The following RNF10 variants were observed in gnomAD, a reference collection of about 807,000 sequenced individuals.
RNF10 encodes the protein E3 ubiquitin-protein ligase RNF10.
A neutral mutation model predicts 91.4 loss-of-function variants in RNF10; 38 were observed. The ratio of observed to expected loss-of-function variants is 0.42; its 90% CI spans 0.32 to 0.54. RNF10 has a LOEUF of 0.54. Among genes scored for constraint, RNF10 ranks in the 20% least tolerant of loss-of-function variants. The pLI is 0.16. For synonymous variants in RNF10, 364 were observed against 366.3 expected, an observed-to-expected ratio of 0.99 and a Z score of 0.07; for missense variants, 945 against 1,012.0, an observed-to-expected ratio of 0.93 and a Z score of 0.90.
In RNF10 at chr12:120,534,747, C is replaced by T; in HGVS notation, c.-65C>T. The T allele has an allele frequency of 6.7e-7, 1 of 1,493,098 alleles. No homozygotes were observed. Among genetic ancestry groups the T allele is most frequent in the Non-Finnish European group, 8.8e-7 (1 of 1,131,150 alleles). 92.5% of individuals were successfully genotyped at this position (1,493,098 alleles called of 1,614,324 possible). On this transcript the variant is annotated 5_prime_UTR_variant, in exon 1 of 17. Transcript: ENST00000325954. ...GCCGACCCCCGCCGGCCCTGAACGC[C>T]ATGAGCCTGGGTCCCCGCCGCGCCC...
At chr12:120,558,659 C>T (rs2137208303) in intron 6 of RNF10, among the ~76,000 whole-genome samples, 1 of 149,938 alleles carries the variant, frequency 6.7e-6, no homozygotes, top group Non-Finnish European at 1.5e-5. Flanking sequence ...ACCTCTGCCT[C>T]CCGGGTTTGA....
chr12:120,555,816 T>C (rs1309891859), intron 4 of RNF10, among the ~76,000 whole-genome samples: 2 of 149,056 alleles, frequency 1.3e-5, no homozygotes, highest in Non-Finnish European at 3.0e-5. Context: ...TTTGAGACAG[T>C]CTTGCTCTGT....
chr12:120,567,160 T>G (rs755704139), intron 13 of RNF10, among the ~76,000 whole-genome samples, 180 bp downstream of exon 13: 1 of 152,166 alleles, frequency 6.6e-6, no homozygotes, highest in Non-Finnish European at 1.5e-5. Context: ...CTATACTGAC[T>G]GCTTTACCCT....
chr12:120,565,341 CTG>C, intron 11 of RNF10, 85 bp from the exon 12 acceptor site: 2 of 1,299,006 alleles, frequency 1.5e-6, no homozygotes, highest in Non-Finnish European at 2.2e-6. Flanking sequence ...GCTGGGCCTA[CTG>C]TTGTGGGTTT....
intron 1 of RNF10, among the ~76,000 whole-genome samples, chr12:120,535,901 A>G (rs917172445): frequency 1.3e-5 from 2 of 152,218 alleles, no homozygotes; most frequent in African/African-American, 4.8e-5. Flanking sequence ...TAAAGAAGGA[A>G]TAAACTGAGC....
At chr12:120,575,568 T>C in intron 14 of RNF10, 63 bp from the exon 15 acceptor site, 1 of 1,578,920 alleles carries the variant, frequency 6.3e-7, no homozygotes, top group Admixed American at 1.7e-5. Flanking sequence ...TCAAGGTAGG[T>C]CTGAAAAAGA....
At chr12:120,568,769 C>G (rs1220635103) in intron 13 of RNF10, among the ~76,000 whole-genome samples, 1 of 152,018 alleles carries the variant, frequency 6.6e-6, no homozygotes, top group African/African-American at 2.4e-5. Flanking sequence ...AGCTACTGTG[C>G]CCAGCCTGTT....
rs1873288535 is a variant in RNF10 at position 120,552,665 on chromosome 12, A to T, written c.521A>T (p.Lys174Met). ...GGAAAGAGGAACAAGTGGGGACATA[A>T]GCCTTTTAACAAGGAACTCTTTTTA... Reference protein sequence around the residue: ...SWGKRNKWGHKPFNKELFLQA... With the variant: ...SWGKRNKWGHMPFNKELFLQA... Residue 174 changes from lysine (K) to methionine (M), a missense_variant, in exon 3 of 17, where the codon AAG (lysine) becomes ATG (methionine). Coordinates refer to ENST00000325954, the MANE Select transcript of RNF10 (RefSeq NM_014868.5). The T allele has an allele frequency of 6.2e-7, 1 of 1,614,150 alleles. No homozygotes were observed. Among genetic ancestry groups the T allele is most frequent in the Admixed American group, 1.7e-5 (1 of 60,018 alleles).
Position 120,571,227 on chromosome 12 carries a change from A to G in RNF10, c.2078A>G (p.Gln693Arg), listed in dbSNP as rs758398303. 4 of 1,613,974 alleles carry G rather than the reference A, an allele frequency of 2.5e-6. No individual in the cohort carries two copies. Among genetic ancestry groups the G allele is most frequent in the Non-Finnish European group, 3.4e-6 (4 of 1,179,908 alleles). The change falls in exon 14 of 17, where the codon CAG becomes CGG. Residue 693 changes from glutamine (Q) to arginine (R), a missense_variant. Coordinates refer to ENST00000325954, the MANE Select transcript of RNF10 (RefSeq NM_014868.5). Reference protein sequence around the residue: ...LLTPLSPTASQGSPSFCVGSL... With the variant: ...LLTPLSPTASRGSPSFCVGSL... ...ACCCCTCTGTCACCCACTGCCAGTC[A>G]GGGCAGTCCCTCATTCTGCGTTGGG...
In RNF10 at chr12:120,534,718, C is replaced by T. The variant is rs1031592160; in HGVS notation, c.-94C>T. 53 of 1,406,128 alleles carry T rather than the reference C, an allele frequency of 3.8e-5. No individual in the cohort carries two copies. Among genetic ancestry groups the T allele is most frequent in the Non-Finnish European group, 4.9e-5 (53 of 1,091,782 alleles). The allele number at this position is 1,406,128 out of a possible 1,614,324, so 87.1% of individuals were successfully genotyped here. ...CGCCATGAAGGCCGAGAACCGCTGC[C>T]GCCGCCGACCCCCGCCGGCCCTGAA... is the stretch of plus-strand genomic sequence containing the variant. On this transcript the variant is annotated 5_prime_UTR_variant, in exon 1 of 17. Coordinates refer to ENST00000325954, the MANE Select transcript of RNF10 (RefSeq NM_014868.5).
chr12:120,560,628 C>T (rs1874707685), intron 6 of RNF10, 98 bp from the exon 7 acceptor site: 4 of 1,180,122 alleles, frequency 3.4e-6, no homozygotes, highest in Admixed American at 2.3e-5. Flanking sequence ...ACCCCATTTT[C>T]ACCCCAGAGA....
intron 4 of RNF10, among the ~76,000 whole-genome samples, chr12:120,555,785 C>T (rs987961139): frequency 5.3e-5 from 8 of 151,516 alleles, no homozygotes; most frequent in African/African-American, 1.2e-4. Flanking sequence ...CATGAGCCAT[C>T]GTACCTGGCC....
chr12:120,555,988 C>T (rs117584449), intron 4 of RNF10, among the ~76,000 whole-genome samples: 6,159 of 151,650 alleles, frequency 0.041, 158 homozygotes, highest in Non-Finnish European at 0.063. Context: ...GGGGTTCCAC[C>T]GTGTTGTCCA....
chr12:120,563,662 G>T (rs779883047), intron 9 of RNF10, 39 bp downstream of exon 9: 3 of 1,573,348 alleles, frequency 1.9e-6, no homozygotes, highest in Non-Finnish European at 2.6e-6. Context: ...TGCCGCAGAG[G>T]TGTTTCAGAG....
intron 1 of RNF10, among the ~76,000 whole-genome samples, chr12:120,537,456 G>A (rs1307313466): frequency 6.6e-6 from 1 of 151,784 alleles, no homozygotes; most frequent in African/African-American, 2.4e-5. Context: ...GTGAAGCCCC[G>A]TCTCTACTAA....
chr12:120,544,114 C>G (rs914724541), intron 1 of RNF10, among the ~76,000 whole-genome samples: 2 of 151,852 alleles, frequency 1.3e-5, no homozygotes, highest in African/African-American at 4.8e-5. Flanking sequence ...GTAATCCTAG[C>G]TACTTGGGAG....
intron 1 of RNF10, 23 bp downstream of exon 1, chr12:120,534,991 G>T (rs1039157989): frequency 6.4e-7 from 1 of 1,572,640 alleles, no homozygotes; most frequent in Non-Finnish European, 8.6e-7. Context: ...CTGCGGCAGT[G>T]GGCGGGGGCG....
chr12:120,546,468 A>G lies in RNF10; in HGVS notation c.221A>G (p.Asn74Ser), dbSNP rs765706820. 20 of 1,614,086 alleles carry G rather than the reference A, an allele frequency of 1.2e-5. No individual in the cohort carries two copies. In the African/African-American group the frequency reaches 2.1e-4, roughly 17 times the overall value. ...AAACGTGAACTTTCCTACCCCAAAA[A>G]TGAAAGTTTTAACAACCAGTCCCGT... is the stretch of plus-strand genomic sequence containing the variant. ...NRKRELSYPKNESFNNQSRRS... is the reference protein window; with the variant it reads ...NRKRELSYPKSESFNNQSRRS... Residue 74 changes from asparagine (N) to serine (S), a missense_variant, in exon 2 of 17, where the codon AAT becomes AGT. Physicochemically the swap from Asn to Ser is conservative, Grantham distance 46 (BLOSUM62 1). Transcript: ENST00000325954.
At chr12:120,559,130 G>A (rs1874452389) in intron 6 of RNF10, among the ~76,000 whole-genome samples, 1 of 147,826 alleles carries the variant, frequency 6.8e-6, no homozygotes, top group Admixed American at 6.7e-5. Context: ...TTTATTTTTA[G>A]CAGAGATGAG....
Sources: allele counts gnomAD v4.1 joint callset (sites outside exome capture counted in the v4.1 genomes callset), GRCh38; gene constraint gnomAD v4.1.1; transcripts MANE v1.5; gene names NCBI Gene and HGNC (gene_info 2026-07-23, HGNC 2026-07-21).